TEX15: variants seen among roughly 807,000 people sequenced by gnomAD.
TEX15 encodes testis expressed 15, meiosis and synapsis associated.
Under a neutral mutation model 237.3 loss-of-function variants are expected in TEX15, and 171 were observed. The ratio of observed to expected loss-of-function variants is 0.72; its 90% confidence interval spans 0.64 to 0.82. The LOEUF (loss-of-function observed/expected upper bound fraction) is 0.82. Among genes scored for constraint, TEX15 ranks in the 40% least tolerant of loss-of-function variants. The pLI is 0.00. For missense variants in TEX15, 3,750 were observed against 3,646.5 expected, an observed-to-expected ratio of 1.03 and a Z score of -0.73; for synonymous variants, 1,338 against 1,269.8, an observed-to-expected ratio of 1.05 and a Z score of -1.14.
intron 7 of TEX15, among the ~76,000 whole-genome samples, chr8:30,857,759 C>G (rs1463935663): frequency 3.9e-5 from 6 of 152,236 alleles, no homozygotes; most frequent in Non-Finnish European, 7.4e-5. Context: ...AAAAGTCTGA[C>G]AGCACTAAGT....
In TEX15 at chr8:30,847,619, A is replaced by C. The variant is rs564170330; in HGVS notation, c.2548T>G (p.Trp850Gly). 96 of 1,613,380 alleles carry C rather than the reference A, an allele frequency of 6.0e-5. No individual in the cohort carries two copies. Among genetic ancestry groups the C allele is most frequent in the Non-Finnish European group, 7.5e-5 (88 of 1,179,860 alleles). ...TGTTTTTTGAAATTAACATTCAGCC[A>C]TATATCATTGCTTAACTGTGAATTA... ...FCNSQLSNDI[W>G]LNVNFKKQTD... Residue 850 changes from tryptophan to glycine, a missense_variant, in exon 8 of 11, where the codon TGG (tryptophan) becomes GGG (glycine). By Grantham distance (184) the Trp-to-Gly change is radical. Coordinates refer to ENST00000643185, the MANE Select transcript of TEX15 (RefSeq NM_001350162.2).
At chr8:30,864,030 A>G (rs765161146) in intron 5 of TEX15, among the ~76,000 whole-genome samples, 3 of 152,122 alleles carry the variant, frequency 2.0e-5, no homozygotes, top group Non-Finnish European at 2.9e-5. Flanking sequence ...CTTTAAAATA[A>G]CTGTCTTAAA....
At chr8:30,889,847 C>T (rs969104569) in intron 2 of TEX15, among the ~76,000 whole-genome samples, 3 of 149,514 alleles carry the variant, frequency 2.0e-5, no homozygotes, top group African/African-American at 7.4e-5. Context: ...AGACCTATAA[C>T]CTTTATATTT....
Position 30,907,238 on chromosome 8 carries a change from A to G in TEX15, c.-86+5641T>C, listed in dbSNP as rs528721872. The stretch of plus-strand genomic sequence containing the variant: ...CATGGCTCATTGTGTGCCTGACAGC[A>G]TCACAAGAGTCAAGTTCATTTCTCT... On this transcript the variant is annotated intron_variant, in intron 1 of 10. Coordinates refer to ENST00000643185, the MANE Select transcript of TEX15 (RefSeq NM_001350162.2). Among the ~76,000 whole-genome samples, 3 of 152,268 alleles carry G rather than the reference A, an allele frequency of 2.0e-5. No individual in the cohort carries two copies. In the East Asian group the frequency reaches 5.8e-4, roughly 29 times the overall value.
At chr8:30,910,312 A>G (rs973137289) in intron 1 of TEX15, among the ~76,000 whole-genome samples, 6 of 151,932 alleles carry the variant, frequency 3.9e-5, no homozygotes, top group African/African-American at 1.4e-4. Context: ...TTAACATACT[A>G]AAGCCATATA....
intron 6 of TEX15, 53 bp from the exon 7 acceptor site, chr8:30,858,883 T>G (rs1807974102): frequency 7.8e-7 from 1 of 1,283,286 alleles, no homozygotes; most frequent in Admixed American, 3.1e-5. Flanking sequence ...CAGAGTTGAA[T>G]AAGCTCATAT....
chr8:30,851,629 C>T (rs536048488), intron 7 of TEX15, among the ~76,000 whole-genome samples: 115 of 150,948 alleles, frequency 7.6e-4, no homozygotes, highest in Middle Eastern at 3.4e-3. Flanking sequence ...AAGACTCTGT[C>T]TCAAGGAAAA....
In TEX15 at chr8:30,843,180, A is replaced by C; in HGVS notation, c.6987T>G (p.Pro2329=). 6.2e-7 allele frequency: 1 copy of C among 1,613,478 alleles called. No homozygotes were observed. Among genetic ancestry groups the C allele is most frequent in the Non-Finnish European group, 8.5e-7 (1 of 1,179,644 alleles). Residue 2329 remains proline, a synonymous_variant, in exon 8 of 11, where the codon CCT becomes CCG. Transcript: ENST00000643185. Reference sequence around the variant, plus strand: ...TTATAGTATCCTCCTCAAGCCCAATAGGGGAAATTGGTTCATTGTTTAAAT... The same window carrying C: ...TTATAGTATCCTCCTCAAGCCCAATCGGGGAAATTGGTTCATTGTTTAAAT... ...SKDLNNEPIS[P]IGLEEDTIIA... is the part of the protein sequence containing the mutation.
chr8:30,831,715 G>A lies in TEX15; in HGVS notation c.*1571C>T, dbSNP rs533648015. The A allele has an allele frequency of 1.2e-4, 19 of 152,228 alleles. No homozygotes were observed. The East Asian group carries it at 3.3e-3, about 26-fold the overall frequency. 9.4% of individuals were successfully genotyped at this position (152,228 alleles called of 1,614,324 possible). On this transcript the variant is annotated 3_prime_UTR_variant, in exon 11 of 11. Transcript: ENST00000643185. ...TGTTTAAAGAAACAATCCTTAACTA[G>A]AATATTTAACTTTTGGTTTACATAT...
Position 30,844,570 on chromosome 8 carries a change from G to T in TEX15, c.5597C>A (p.Ser1866Ter). The T allele has an allele frequency of 6.2e-7, 1 of 1,612,936 alleles. No individual in the cohort carries two copies. Among genetic ancestry groups the T allele is most frequent in the Non-Finnish European group, 8.5e-7 (1 of 1,179,500 alleles). Residue 1866 changes from serine (S) to a stop codon, truncating the protein, a stop_gained, in exon 8 of 11, where the codon TCA becomes TAA. Transcript: ENST00000643185. LOFTEE classifies it high-confidence loss of function. The stretch of plus-strand genomic sequence containing the variant: ...ATTTTTGTACTCAGTATTAACAGTT[G>T]ATCCTTCAGTCATGCTTCTTTTGTA... ...SVYKRSMTEGSTVNTEYKNQK... is the reference protein window; with the variant it reads ...SVYKRSMTEG
Position 30,848,823 on chromosome 8 carries a change from A to G in TEX15, c.1344T>C (p.Ser448=), listed in dbSNP as rs112876231. Residue 448 remains serine (S), a synonymous_variant, in exon 8 of 11, where the codon AGT becomes AGC. Coordinates refer to ENST00000643185, the MANE Select transcript of TEX15 (RefSeq NM_001350162.2). ...GCAAAACCTCATTTAAGCCTGCAGT[A>G]CTACTCTGTTCTCCCATACTTTCTT... The part of the protein sequence containing the change: ...RREESMGEQS[S]TAGLNEVLQF... 19 of 1,614,094 alleles carry G rather than the reference A, an allele frequency of 1.2e-5. No individual in the cohort carries two copies. The African/African-American group carries it at 2.0e-4, about 17-fold the overall frequency.
In TEX15 at chr8:30,846,982, T is replaced by C; in HGVS notation, c.3185A>G (p.Glu1062Gly). 1 of 1,613,692 alleles carries C rather than the reference T, an allele frequency of 6.2e-7. No individual in the cohort carries two copies. Residue 1062 changes from glutamate (E) to glycine (G), a missense_variant, in exon 8 of 11, where the codon GAA becomes GGA. Physicochemically the swap from Glu to Gly is moderately conservative, Grantham distance 98. Transcript: ENST00000643185. Reference sequence around the variant, plus strand: ...ATCATCACAATCTTCTAATTCTATTTCAATTTCACTTTCCAATTCAATGCT... The same window carrying C: ...ATCATCACAATCTTCTAATTCTATTCCAATTTCACTTTCCAATTCAATGCT... ...LQSIELESEI[E>G]IELEDCDDAF... is the part of the protein sequence containing the mutation.
At chr8:30,904,767 G>C (rs1374518485) in intron 1 of TEX15, among the ~76,000 whole-genome samples, 6 of 152,208 alleles carry the variant, frequency 3.9e-5, no homozygotes, top group African/African-American at 1.2e-4. Flanking sequence ...ATTCAAAGAA[G>C]TCAACAGCTT....
Position 30,833,236 on chromosome 8 carries a change from AT to A in TEX15, c.*49del, listed in dbSNP as rs752246960. The stretch of plus-strand genomic sequence containing the variant: ...ATGTTAAAAAATATATAAGTAAAAA[AT>A]ATTTGGAAAAACTTGTTATGTCTTA... On this transcript the variant is annotated 3_prime_UTR_variant, in exon 11 of 11. Transcript: ENST00000643185. The A allele has an allele frequency of 7.3e-5, 96 of 1,319,770 alleles. No individual in the cohort carries two copies. Among genetic ancestry groups the A allele is most frequent in the Non-Finnish European group, 9.9e-5 (94 of 951,882 alleles). The allele number at this position is 1,319,770 out of a possible 1,614,324, so 81.8% of individuals were successfully genotyped here. A position where few individuals can be genotyped will look rare whatever the true frequency, so the allele number is the denominator to read the frequency against.
rs768185811 is a variant in TEX15 at position 30,847,332 on chromosome 8, G to T, written c.2835C>A (p.Thr945=). 4 of 1,613,604 alleles carry T rather than the reference G, an allele frequency of 2.5e-6. No individual in the cohort carries two copies. In the African/African-American group the frequency reaches 4.0e-5, roughly 16 times the overall value. The change falls in exon 8 of 11, where the codon ACC becomes ACA. Residue 945 remains threonine, a synonymous_variant. Transcript: ENST00000643185. ...TATCTTTTTGTTTCACGGCACTAAT[G>T]GTATCTTCTTCACTCTCTAATAATG... ...ATALLESEED[T]ISAVKQKDTE... is the part of the protein sequence containing the mutation.
rs1164594718 is a variant in TEX15, at chr8:30,881,610, C to CTTTTTTTT, written c.136+5556_136+5557insAAAAAAAA. 2.9e-3 allele frequency among the ~76,000 whole-genome samples: 321 copies of CTTTTTTTT among 109,314 alleles called. 57 individuals carry two copies. The highest frequency in any genetic ancestry group is 0.02 in the Middle Eastern group (5 of 244). 71.7% of individuals were successfully genotyped at this position (109,314 alleles called of 152,430 possible). Reference sequence around the variant, plus strand: ...TTCATTAATTATCCTTCCATCTTGACTTTTTATTTTTTTTTATTATTTTTT... The same window carrying CTTTTTTTT: ...TTCATTAATTATCCTTCCATCTTGACTTTTTTTTTTTTTATTTTTTTTTATTATTTTTT... On this transcript the variant is annotated intron_variant, in intron 3 of 10. Transcript: ENST00000643185.
chr8:30,845,306 T>C lies in TEX15; in HGVS notation c.4861A>G (p.Ser1621Gly), dbSNP rs906966055. Residue 1621 changes from serine (S) to glycine (G), a missense_variant, in exon 8 of 11, where the codon AGT (serine) becomes GGT (glycine). Ser to Gly is a moderately conservative substitution (Grantham distance 56, BLOSUM62 0). Coordinates refer to ENST00000643185, the MANE Select transcript of TEX15 (RefSeq NM_001350162.2). ...VINESNSVSL[S>G]CIKENINSST... ...GAATTTATGTTTTCTTTTATGCAAC[T>C]TAAAGATACAGAATTACTTTCATTT... 21 of 1,613,084 alleles carry C rather than the reference T, an allele frequency of 1.3e-5. No individual in the cohort carries two copies. Among genetic ancestry groups the C allele is most frequent in the Non-Finnish European group, 1.8e-5 (21 of 1,179,410 alleles).
At chr8:30,840,614 CCTTT>C (rs1359412494) in intron 8 of TEX15, among the ~76,000 whole-genome samples, 1 of 152,166 alleles carries the variant, frequency 6.6e-6, no homozygotes, top group African/African-American at 2.4e-5. Flanking sequence ...TATGAATTTT[CCTTT>C]CTAACACCTT....
rs777457489 is a variant in TEX15 at position 30,843,978 on chromosome 8, G to A, written c.6189C>T (p.His2063=). The A allele has an allele frequency of 1.2e-6, 2 of 1,612,942 alleles. No individual in the cohort carries two copies. The highest frequency in any genetic ancestry group is 1.7e-6 in the Non-Finnish European group (2 of 1,179,580). ...VDQNLWNNCK[H]TLKPCAVDTL... is the part of the protein sequence containing the mutation. ...TGTCAACAGCACATGGTTTTAATGT[G>A]TGTTTGCAATTATTCCACAGGTTTT... Residue 2063 remains histidine, a synonymous_variant, in exon 8 of 11, where the codon CAC becomes CAT. Coordinates refer to ENST00000643185, the MANE Select transcript of TEX15 (RefSeq NM_001350162.2).
Sources: gnomAD v4.1 joint callset for allele counts (sites outside exome capture counted in the v4.1 genomes callset) on GRCh38, gnomAD v4.1.1 for gene constraint, MANE v1.5 for transcripts, NCBI Gene and HGNC (gene_info 2026-07-23, HGNC 2026-07-21) for gene names.